The following PRRC1 variants were observed in gnomAD, a reference collection of about 807,000 sequenced individuals.
PRRC1 encodes the protein proline rich coiled-coil 1, also known as protein PRRC1.
In PRRC1, 39 loss-of-function variants were observed where a neutral mutation model predicts 40.7. That is an observed-to-expected ratio of 0.96 (90% CI 0.74 to 1.25). PRRC1 has a LOEUF of 1.25. Among genes scored for constraint, PRRC1 ranks in the 50% most tolerant of loss-of-function variants. The pLI is 0.00. For synonymous variants in PRRC1, 175 were observed against 193.3 expected, an observed-to-expected ratio of 0.91 and a Z score of 0.79; for missense variants, 573 against 548.3, an observed-to-expected ratio of 1.05 and a Z score of -0.45.
chr5:127,532,102 G>GTTT (rs1253417486), intron 5 of PRRC1, among the ~76,000 whole-genome samples: 1 of 143,892 alleles, frequency 6.9e-6, no homozygotes, highest in African/African-American at 2.5e-5. Flanking sequence ...AAATCTTAAG[G>GTTT]TTTTTTTTTT....
In PRRC1 at chr5:127,533,626, C is replaced by A; in HGVS notation, c.761C>A (p.Ser254Tyr). ...AATTTTCCTCTGGTCTTTTTAGAATCTGGAGGTGAACTGGATATTGTAGTG... is the reference window on the plus strand; with the variant it reads ...AATTTTCCTCTGGTCTTTTTAGAATATGGAGGTGAACTGGATATTGTAGTG... Reference protein sequence around the residue: ...LDPGMAPYIKSGGELDIVVTS... With the variant: ...LDPGMAPYIKYGGELDIVVTS... Residue 254 changes from serine (S) to tyrosine (Y), a missense_variant, in exon 6 of 9, where the codon TCT becomes TAT. Physicochemically the swap from Ser to Tyr is moderately radical, Grantham distance 144 (BLOSUM62 -2). Transcript: ENST00000296666. 3 of 1,607,516 alleles carry A rather than the reference C, an allele frequency of 1.9e-6. No homozygotes were observed. The highest frequency in any genetic ancestry group is 1.7e-6 in the Non-Finnish European group (2 of 1,178,080).
chr5:127,552,600 T>A lies in PRRC1; in HGVS notation c.*684T>A. On this transcript the variant is annotated 3_prime_UTR_variant, in exon 9 of 9. Transcript: ENST00000296666. ...ATTTATACTATGAACATTGGGGTAA[T>A]ACATTTTATTTTTTCATTGCTATAT... 8 of 980,552 alleles carry A rather than the reference T, an allele frequency of 8.2e-6. No individual in the cohort carries two copies. The highest frequency in any genetic ancestry group is 9.7e-6 in the Non-Finnish European group (8 of 825,054). 60.7% of individuals were successfully genotyped at this position (980,552 alleles called of 1,614,324 possible).
chr5:127,524,800 C>T lies in PRRC1; in HGVS notation c.373C>T (p.Pro125Ser), dbSNP rs143578156. The change falls in exon 3 of 9, where the codon CCT becomes TCT. Residue 125 changes from proline to serine, a missense_variant. Pro to Ser is a moderately conservative substitution (Grantham distance 74). Transcript: ENST00000296666. ...CCCAAACACTCTTTTACCTGCACCC[C>T]CTTCGGGTCCTCCTATATCAGGATT... is the stretch of plus-strand genomic sequence containing the variant. ...SAPNTLLPAP[P>S]SGPPISGFSV... The T allele has an allele frequency of 4.2e-5, 67 of 1,614,096 alleles. No homozygotes were observed. The East Asian group carries it at 6.7e-4, about 16-fold the overall frequency.
intron 1 of PRRC1, among the ~76,000 whole-genome samples, chr5:127,518,341 T>C (rs1561676597): frequency 6.6e-6 from 1 of 152,240 alleles, no homozygotes; most frequent in Non-Finnish European, 1.5e-5. Context: ...TAGCGCCGCT[T>C]GGGAGAGTTT....
At chr5:127,536,851 A>T (rs1767914360) in intron 6 of PRRC1, among the ~76,000 whole-genome samples, 1 of 152,016 alleles carries the variant, frequency 6.6e-6, no homozygotes, top group South Asian at 2.1e-4. Flanking sequence ...AGTGATTTGT[A>T]AATTTGTCGG....
rs1449822841 is a variant in PRRC1 at position 127,539,096 on chromosome 5, G to A, written c.978G>A (p.Gln326=). ...LRRTGVIHEK[Q]TAVSVENFIA... ...GAACTGGGGTGATCCATGAAAAACA[G>A]ACAGCTGTGTCAGTAGAAAACTTCA... is the stretch of plus-strand genomic sequence containing the variant. Residue 326 remains glutamine (Q), a synonymous_variant, in exon 7 of 9, where the codon CAG becomes CAA. Coordinates refer to ENST00000296666, the MANE Select transcript of PRRC1 (RefSeq NM_130809.5). 6.2e-7 allele frequency: 1 copy of A among 1,612,928 alleles called. No individual in the cohort carries two copies. Among genetic ancestry groups the A allele is most frequent in the Non-Finnish European group, 8.5e-7 (1 of 1,179,114 alleles).
intron 7 of PRRC1, among the ~76,000 whole-genome samples, chr5:127,542,019 A>G (rs1213707548): frequency 6.6e-6 from 1 of 152,044 alleles, no homozygotes; most frequent in African/African-American, 2.4e-5. Flanking sequence ...ATTTAGTGCT[A>G]TAAATTTCCC....
At chr5:127,546,828 T>G (rs1272921552) in intron 7 of PRRC1, among the ~76,000 whole-genome samples, 1 of 152,154 alleles carries the variant, frequency 6.6e-6, no homozygotes, top group Non-Finnish European at 1.5e-5. Flanking sequence ...TTATCTTGAT[T>G]GAGAAAGTTG....
Position 127,533,749 on chromosome 5 carries a change from T to A in PRRC1, c.884T>A (p.Ile295Asn), listed in dbSNP as rs1459871520. ...VVVGEAGQSN[I>N]APQPVGYAAG... ...GTAGGGGAAGCTGGACAGTCCAATA[T>A]TGCCCCACAACCAGTGGGCTATGCA... The change falls in exon 6 of 9, where the codon ATT becomes AAT. Residue 295 changes from isoleucine to asparagine, a missense_variant. Ile to Asn is a moderately radical substitution (Grantham distance 149, BLOSUM62 -3). Coordinates refer to ENST00000296666, the MANE Select transcript of PRRC1 (RefSeq NM_130809.5). The A allele has an allele frequency of 1.2e-6, 2 of 1,613,954 alleles. No individual in the cohort carries two copies. Among genetic ancestry groups the A allele is most frequent in the Admixed American group, 1.7e-5 (1 of 59,980 alleles).
chr5:127,530,059 C>CAA (rs1767726209), intron 4 of PRRC1, among the ~76,000 whole-genome samples: 3 of 151,988 alleles, frequency 2.0e-5, no homozygotes, highest in African/African-American at 7.3e-5. Context: ...CCATGCTACT[C>CAA]AAAGCGTGAT....
chr5:127,520,787 C>CA lies in PRRC1; in HGVS notation c.-20-2672dup, dbSNP rs1218953089. Among the ~76,000 whole-genome samples the CA allele has an allele frequency of 5.3e-5, 8 of 152,202 alleles. No individual in the cohort carries two copies. The East Asian group carries it at 1.5e-3, about 29-fold the overall frequency. ...CTTCATAGAACTATGCACATACACA[C>CA]ACACAGTAAATGTAAAAACATGTGA... is the stretch of plus-strand genomic sequence containing the variant. On this transcript the variant is annotated intron_variant, in intron 1 of 8. Coordinates refer to ENST00000296666, the MANE Select transcript of PRRC1 (RefSeq NM_130809.5).
At chr5:127,534,637 T>A (rs913866660) in intron 6 of PRRC1, among the ~76,000 whole-genome samples, 5 of 152,174 alleles carry the variant, frequency 3.3e-5, no homozygotes, top group African/African-American at 1.2e-4. Context: ...CTTTGCTGAT[T>A]CCTCCTCTTC....
chr5:127,537,665 C>T (rs1161754548), intron 6 of PRRC1, among the ~76,000 whole-genome samples: 10 of 151,894 alleles, frequency 6.6e-5, no homozygotes, highest in Admixed American at 3.3e-4. Context: ...TGTTGTAGTG[C>T]ATAGCTGAGA....
At position 127,552,412 on chromosome 5, in the gene PRRC1, GACACCTAC is replaced by G; in HGVS notation, c.*497_*504del. The G allele has an allele frequency of 1.6e-5, 15 of 932,048 alleles. No individual in the cohort carries two copies. Among genetic ancestry groups the G allele is most frequent in the Non-Finnish European group, 1.8e-5 (14 of 780,074 alleles). The allele number at this position is 932,048 out of a possible 1,614,324, so 57.7% of individuals were successfully genotyped here. A position where few individuals can be genotyped will look rare whatever the true frequency, so the allele number is the denominator to read the frequency against. On this transcript the variant is annotated 3_prime_UTR_variant, in exon 9 of 9. Transcript: ENST00000296666. ...GCAGCCTGCTCAACAGTCACTATAA[GACACCTAC>G]TTGTCGGGAGATGTTCCACATTTCT... is the stretch of plus-strand genomic sequence containing the variant.
intron 4 of PRRC1, 65 bp from the exon 5 acceptor site, chr5:127,530,229 A>C: frequency 7.0e-7 from 1 of 1,424,074 alleles, no homozygotes; most frequent in Non-Finnish European, 9.7e-7. Flanking sequence ...TTTTCTTCAC[A>C]ATCATGAAGA....
At chr5:127,534,274 G>GA (rs1053776959) in intron 6 of PRRC1, among the ~76,000 whole-genome samples, 12 of 149,754 alleles carry the variant, frequency 8.0e-5, no homozygotes, top group African/African-American at 2.2e-4. Flanking sequence ...TTCTCACCTT[G>GA]AAAAAAAAAG....
Position 127,553,819 on chromosome 5 carries a change from C to G in PRRC1, c.*1903C>G. On this transcript the variant is annotated 3_prime_UTR_variant, in exon 9 of 9. Transcript: ENST00000296666. ...TAGATGATTATTTTCCTAGAATCCCCAAAGAGCAGTGGCAGTCCATGGCTT... is the reference window on the plus strand; with the variant it reads ...TAGATGATTATTTTCCTAGAATCCCGAAAGAGCAGTGGCAGTCCATGGCTT... 6.5e-7 allele frequency: 1 copy of G among 1,535,656 alleles called. No individual in the cohort carries two copies. The highest frequency in any genetic ancestry group is 8.7e-7 in the Non-Finnish European group (1 of 1,146,590).
chr5:127,553,533 A>T lies in PRRC1; in HGVS notation c.*1617A>T. 4 of 1,187,826 alleles carry T rather than the reference A, an allele frequency of 3.4e-6. No individual in the cohort carries two copies. In the South Asian group the frequency reaches 7.3e-5, roughly 22 times the overall value. 73.6% of individuals were successfully genotyped at this position (1,187,826 alleles called of 1,614,324 possible). On this transcript the variant is annotated 3_prime_UTR_variant, in exon 9 of 9. Coordinates refer to ENST00000296666, the MANE Select transcript of PRRC1 (RefSeq NM_130809.5). The stretch of plus-strand genomic sequence containing the variant: ...GGCTTTCTCTACCATTTGCGTCTAC[A>T]CTTTATTTTAAAAGCTATCCTTTTC...
intron 3 of PRRC1, among the ~76,000 whole-genome samples, chr5:127,525,770 A>T (rs1481221693): frequency 6.6e-6 from 1 of 152,212 alleles, no homozygotes; most frequent in Non-Finnish European, 1.5e-5. Context: ...GTGATATACA[A>T]CTCAGTAGAT....
Sources: allele counts gnomAD v4.1 joint callset (sites outside exome capture counted in the v4.1 genomes callset), GRCh38; gene constraint gnomAD v4.1.1; transcripts MANE v1.5; gene names NCBI Gene and HGNC (gene_info 2026-07-23, HGNC 2026-07-21).